The following MSR1 variants were observed in gnomAD, a reference collection of about 807,000 sequenced individuals.
MSR1 encodes macrophage scavenger receptor 1.
A neutral mutation model predicts 47.2 loss-of-function variants in MSR1; 53 were observed. That is an observed-to-expected ratio of 1.12 (90% CI 0.90 to 1.41). The LOEUF is 1.41. Ranked by LOEUF, MSR1 falls within the 40% of genes most tolerant of loss-of-function variation. MSR1 has a pLI of 0.00. For synonymous variants in MSR1, 239 were observed against 185.6 expected, an observed-to-expected ratio of 1.29 and a Z score of -2.34; for missense variants, 786 against 546.9, an observed-to-expected ratio of 1.44 and a Z score of -4.36.
chr8:16,136,373 T>C (rs1255181874), intron 8 of MSR1, among the ~76,000 whole-genome samples: 1 of 152,174 alleles, frequency 6.6e-6, no homozygotes, highest in Non-Finnish European at 1.5e-5. Flanking sequence ...AAATGATTGT[T>C]AGCATTTTTT....
At chr8:16,123,466 T>C (rs180901161) in intron 8 of MSR1, among the ~76,000 whole-genome samples, 3 of 152,226 alleles carry the variant, frequency 2.0e-5, no homozygotes, top group Admixed American at 6.5e-5. Context: ...GTCACAAAGA[T>C]GTAAAGAATG....
chr8:16,177,004 T>A (rs1342788794), intron 2 of MSR1, among the ~76,000 whole-genome samples: 1 of 152,292 alleles, frequency 6.6e-6, no homozygotes, highest in East Asian at 1.9e-4. Flanking sequence ...CCCTTAGCGA[T>A]ATGTATTTAT....
intron 3 of MSR1, among the ~76,000 whole-genome samples, chr8:16,170,835 C>G (rs945622866): frequency 6.6e-6 from 1 of 152,118 alleles, no homozygotes; most frequent in Non-Finnish European, 1.5e-5. Flanking sequence ...GCTCTCCTTG[C>G]TTTGGTTTTC....
intron 1 of MSR1, among the ~76,000 whole-genome samples, chr8:16,183,774 T>C (rs1375759468): frequency 7.0e-6 from 1 of 143,598 alleles, no homozygotes; most frequent in East Asian, 2.0e-4. Flanking sequence ...ATGTAATTTA[T>C]ATTATGTTAA....
chr8:16,189,092 A>C (rs1802088446), intron 1 of MSR1, among the ~76,000 whole-genome samples: 1 of 146,030 alleles, frequency 6.8e-6, no homozygotes. Flanking sequence ...ATATACGCAA[A>C]ACCTTATTTT....
intron 2 of MSR1, among the ~76,000 whole-genome samples, chr8:16,177,392 T>G (rs1011951634): frequency 6.6e-6 from 1 of 151,910 alleles, no homozygotes; most frequent in East Asian, 1.9e-4. Flanking sequence ...CAAGGAACAC[T>G]AAGGACTGCC....
At chr8:16,116,359 T>C (rs75153099) in intron 9 of MSR1, among the ~76,000 whole-genome samples, 3,602 of 152,286 alleles carry the variant, frequency 0.024, 83 homozygotes, top group Middle Eastern at 0.082. Flanking sequence ...CTTTCCAGTT[T>C]GCTTCACTAG....
chr8:16,121,918 G>A (rs1000816298), intron 8 of MSR1, among the ~76,000 whole-genome samples: 1 of 151,794 alleles, frequency 6.6e-6, no homozygotes, highest in South Asian at 2.1e-4. Flanking sequence ...CTAGATTACT[G>A]TTTCAACAAA....
chr8:16,126,720 G>A lies in MSR1; in HGVS notation c.1034-6114C>T, dbSNP rs561854433. Among the ~76,000 whole-genome samples, 6 of 152,080 alleles carry A rather than the reference G, an allele frequency of 3.9e-5. No individual in the cohort carries two copies. The South Asian group carries it at 1.2e-3, about 32-fold the overall frequency. ...AGTATTTGGGACAGAGTCAAGAGGAGATATTTTTGTATTTTTTGAAGAGAC... is the reference window on the plus strand; with the variant it reads ...AGTATTTGGGACAGAGTCAAGAGGAAATATTTTTGTATTTTTTGAAGAGAC... On this transcript the variant is annotated intron_variant, in intron 8 of 9. Coordinates refer to ENST00000262101, the MANE Select transcript of MSR1 (RefSeq NM_138715.3).
intron 7 of MSR1, among the ~76,000 whole-genome samples, chr8:16,148,760 T>C (rs575994902): frequency 6.6e-6 from 1 of 152,106 alleles, no homozygotes; most frequent in Non-Finnish European, 1.5e-5. Context: ...ACGCCCAGCC[T>C]AAAACTTTGA....
At chr8:16,160,736 T>C (rs1201670812) in intron 5 of MSR1, among the ~76,000 whole-genome samples, 1 of 152,110 alleles carries the variant, frequency 6.6e-6, no homozygotes, top group Non-Finnish European at 1.5e-5. Flanking sequence ...AGAAAATGTC[T>C]AGTGTTCATT....
intron 6 of MSR1, among the ~76,000 whole-genome samples, chr8:16,150,847 C>T (rs1563154008): frequency 1.4e-5 from 1 of 71,146 alleles, no homozygotes; most frequent in African/African-American, 4.2e-5. Context: ...TAAACATAAA[C>T]ATAAACACAC....
intron 5 of MSR1, among the ~76,000 whole-genome samples, chr8:16,158,383 A>C (rs1187449128): frequency 6.6e-6 from 1 of 152,022 alleles, no homozygotes; most frequent in Non-Finnish European, 1.5e-5. Context: ...TTTGATAATC[A>C]TCAATATCAT....
In MSR1 at chr8:16,165,313, T is replaced by C. The variant is rs544093571; in HGVS notation, c.631-1062A>G. Among the ~76,000 whole-genome samples, 4 of 152,254 alleles carry C rather than the reference T, an allele frequency of 2.6e-5. 1 individual carries two copies. In the South Asian group the frequency reaches 8.3e-4, roughly 32 times the overall value. On this transcript the variant is annotated intron_variant, in intron 4 of 9. Transcript: ENST00000262101. The stretch of plus-strand genomic sequence containing the variant: ...TACCATTAATATATTTAAGTTTGCA[T>C]AGTAAGAGTAGGTACATAGCAAATC...
intron 8 of MSR1, chr8:16,121,259 T>A (rs1300914167): frequency 2.8e-6 from 1 of 363,128 alleles, no homozygotes; most frequent in Non-Finnish European, 5.4e-6. Context: ...TTTGTTTATT[T>A]TTAGAAGTGA....
intron 9 of MSR1, among the ~76,000 whole-genome samples, chr8:16,118,530 C>G (rs139213375): frequency 7.8e-4 from 118 of 152,040 alleles, no homozygotes; most frequent in Middle Eastern, 3.4e-3. Context: ...TATACAAAAA[C>G]TAGCCAGGTG....
At chr8:16,183,318 A>C (rs1801890499) in intron 1 of MSR1, among the ~76,000 whole-genome samples, 1 of 151,934 alleles carries the variant, frequency 6.6e-6, no homozygotes. Context: ...TGAATCTGAT[A>C]AACATCTTTA....
At position 16,164,230 on chromosome 8, in the gene MSR1, G is replaced by C. The variant is rs770076920; in HGVS notation, c.652C>G (p.Arg218Gly). ...QQEEISKLEERVYNVSAEIMA... is the reference protein window; with the variant it reads ...QQEEISKLEEGVYNVSAEIMA... The stretch of plus-strand genomic sequence containing the variant: ...ATTTCTGCTGATACATTGTAAACAC[G>C]CTCCTCTAATTTACTGATTTCCTGT... The change falls in exon 5 of 10, where the codon CGT (arginine) becomes GGT (glycine). Residue 218 changes from arginine (R) to glycine (G), a missense_variant. Coordinates refer to ENST00000262101, the MANE Select transcript of MSR1 (RefSeq NM_138715.3). The C allele has an allele frequency of 6.2e-7, 1 of 1,611,478 alleles. No individual in the cohort carries two copies. Among genetic ancestry groups the C allele is most frequent in the South Asian group, 1.1e-5 (1 of 91,024 alleles).
At chr8:16,112,959 T>C (rs1799793346) in intron 9 of MSR1, among the ~76,000 whole-genome samples, 1 of 146,500 alleles carries the variant, frequency 6.8e-6, no homozygotes, top group Non-Finnish European at 1.5e-5. Context: ...TTTTTTTTTT[T>C]TTTTTGAGAC....
Sources: allele counts gnomAD v4.1 joint callset (sites outside exome capture counted in the v4.1 genomes callset), GRCh38; gene constraint gnomAD v4.1.1; transcripts MANE v1.5; gene names NCBI Gene and HGNC (gene_info 2026-07-23, HGNC 2026-07-21).